The following ADAMTS2 variants were observed in gnomAD, a reference collection of about 807,000 sequenced individuals.
ADAMTS2 encodes ADAM metallopeptidase with thrombospondin type 1 motif 2.
A neutral mutation model predicts 123.0 loss-of-function variants in ADAMTS2; 50 were observed. The observed-to-expected ratio is 0.41, with a 90% CI of 0.32 to 0.51. The LOEUF (loss-of-function observed/expected upper bound fraction) is 0.51. Among genes scored for constraint, ADAMTS2 ranks in the 20% least tolerant of loss-of-function variants. The pLI, the probability that ADAMTS2 is intolerant of heterozygous loss-of-function variation, is 0.35. For synonymous variants in ADAMTS2, 678 were observed against 695.4 expected, an observed-to-expected ratio of 0.98 and a Z score of 0.39; for missense variants, 1,494 against 1,705.2, an observed-to-expected ratio of 0.88 and a Z score of 2.18.
Position 179,199,278 on chromosome 5 carries a change from G to A in ADAMTS2, c.891+8235C>T, listed in dbSNP as rs554195044. ...AATGCAGCATGGTCCCATCTCCCCAGGACAGGCTTTCAGCTGCCCCCAGCA... is the reference window on the plus strand; with the variant it reads ...AATGCAGCATGGTCCCATCTCCCCAAGACAGGCTTTCAGCTGCCCCCAGCA... On this transcript the variant is annotated intron_variant, in intron 4 of 21. Transcript: ENST00000251582. Among the ~76,000 whole-genome samples, 29 of 152,290 alleles carry A rather than the reference G, an allele frequency of 1.9e-4. No homozygotes were observed. In the South Asian group the frequency reaches 6.0e-3, roughly 32 times the overall value.
rs1453977348 is a variant in ADAMTS2 at position 179,262,226 on chromosome 5, C to T, written c.688+10685G>A. On this transcript the variant is annotated intron_variant, in intron 3 of 21. Transcript: ENST00000251582. The surrounding 1 kb of genome is among the most constrained non-coding windows in gnomAD (Gnocchi z 5.9). Reference sequence around the variant, plus strand: ...ACCTGCCCGGCCACCCCCACCAGCACACCTGCCCGGCCAGCCTCAGGCCAC... The same window carrying T: ...ACCTGCCCGGCCACCCCCACCAGCATACCTGCCCGGCCAGCCTCAGGCCAC... Among the ~76,000 whole-genome samples, 1 of 152,088 alleles carries T rather than the reference C, an allele frequency of 6.6e-6. No homozygotes were observed. Among genetic ancestry groups the T allele is most frequent in the African/African-American group, 2.4e-5 (1 of 41,402 alleles).
intron 2 of ADAMTS2, among the ~76,000 whole-genome samples, chr5:179,288,099 CT>C (rs1050679026): frequency 9.9e-5 from 15 of 152,244 alleles, no homozygotes; most frequent in African/African-American, 2.7e-4. Context: ...CCCCCTTTCA[CT>C]TTCCATCACA....
chr5:179,329,337 A>AT (rs1199099595), intron 2 of ADAMTS2, among the ~76,000 whole-genome samples: 1 of 151,340 alleles, frequency 6.6e-6, no homozygotes, highest in Non-Finnish European at 1.5e-5. Context: ...AAAAAAAAAA[A>AT]AAAAAACAAA....
chr5:179,304,133 G>C (rs1561714934), intron 2 of ADAMTS2, among the ~76,000 whole-genome samples: 1 of 152,124 alleles, frequency 6.6e-6, no homozygotes, highest in African/African-American at 2.4e-5. Context: ...TTTGAAAATG[G>C]ACCTGACATT....
intron 4 of ADAMTS2, among the ~76,000 whole-genome samples, chr5:179,195,819 G>A (rs943592391): frequency 2.0e-5 from 3 of 152,208 alleles, no homozygotes; most frequent in Admixed American, 6.5e-5. Flanking sequence ...AACAGAAACA[G>A]TGCCAGCAAC....
At position 179,185,460 on chromosome 5, in the gene ADAMTS2, T is replaced by G. The variant is rs997570347; in HGVS notation, c.892-4305A>C. Among the ~76,000 whole-genome samples, 1 of 152,102 alleles carries G rather than the reference T, an allele frequency of 6.6e-6. No homozygotes were observed. The highest frequency in any genetic ancestry group is 2.4e-5 in the African/African-American group (1 of 41,426). Reference sequence around the variant, plus strand: ...GCGGGGCTGGCCCTCTCCTGGCTCCTGGCCAGGCCCTGCCCCTCAGGACGC... The same window carrying G: ...GCGGGGCTGGCCCTCTCCTGGCTCCGGGCCAGGCCCTGCCCCTCAGGACGC... On this transcript the variant is annotated intron_variant, in intron 4 of 21. Coordinates refer to ENST00000251582, the MANE Select transcript of ADAMTS2 (RefSeq NM_014244.5). The surrounding 1 kb of genome is among the most constrained non-coding windows in gnomAD (Gnocchi z 5.9).
intron 3 of ADAMTS2, among the ~76,000 whole-genome samples, chr5:179,223,747 ATGTGAG>A (rs1765203142): frequency 6.6e-6 from 1 of 152,002 alleles, no homozygotes; most frequent in Non-Finnish European, 1.5e-5. Flanking sequence ...ATGTGAGTGT[ATGTGAG>A]TGCATGTGCG....
chr5:179,306,759 T>G (rs953375757), intron 2 of ADAMTS2, among the ~76,000 whole-genome samples: 3 of 152,132 alleles, frequency 2.0e-5, no homozygotes, highest in Admixed American at 2.0e-4. Context: ...TCATGAAGCT[T>G]TGATCTCCAG....
chr5:179,305,883 A>G (rs1756658546), intron 2 of ADAMTS2, among the ~76,000 whole-genome samples: 1 of 152,238 alleles, frequency 6.6e-6, no homozygotes, highest in Non-Finnish European at 1.5e-5. Context: ...TGTTGAAGAA[A>G]TGCATGATTT....
intron 11 of ADAMTS2, among the ~76,000 whole-genome samples, chr5:179,139,323 G>C (rs999172869): frequency 6.6e-6 from 1 of 152,066 alleles, no homozygotes. Flanking sequence ...AGATATTTAC[G>C]GGGTGTGTGG....
intron 21 of ADAMTS2, among the ~76,000 whole-genome samples, chr5:179,116,261 C>T (rs1762656020): frequency 3.5e-5 from 1 of 28,938 alleles, no homozygotes; most frequent in Non-Finnish European, 5.6e-5. Flanking sequence ...GACCACGGCA[C>T]CCCCCCCCCA....
intron 3 of ADAMTS2, among the ~76,000 whole-genome samples, chr5:179,246,465 T>C (rs1480177990): frequency 6.6e-6 from 1 of 152,102 alleles, no homozygotes; most frequent in Non-Finnish European, 1.5e-5. Context: ...ATCTAAAGGC[T>C]TGGGGAGGAA....
intron 2 of ADAMTS2, among the ~76,000 whole-genome samples, chr5:179,339,596 TG>T (rs1292971158): frequency 1.3e-5 from 2 of 152,346 alleles, no homozygotes; most frequent in Non-Finnish European, 2.9e-5. Context: ...CTGTGTAGGC[TG>T]CTTGCAGCTG....
rs1390260179 is a variant in ADAMTS2, at chr5:179,285,163, G to A, written c.535-12099C>T. Among the ~76,000 whole-genome samples, 1 of 152,190 alleles carries A rather than the reference G, an allele frequency of 6.6e-6. No individual in the cohort carries two copies. Among genetic ancestry groups the A allele is most frequent in the African/African-American group, 2.4e-5 (1 of 41,452 alleles). On this transcript the variant is annotated intron_variant, in intron 2 of 21. Coordinates refer to ENST00000251582, the MANE Select transcript of ADAMTS2 (RefSeq NM_014244.5). The surrounding 1 kb of genome is among the most constrained non-coding windows in gnomAD (Gnocchi z 4.9). ...CAGCTGTTAGGAAACGCGTAACAAA[G>A]GGTCAGCAGTGTTACGATCGGGGGT...
At position 179,188,048 on chromosome 5, in the gene ADAMTS2, G is replaced by C. The variant is rs1019528331; in HGVS notation, c.892-6893C>G. Among the ~76,000 whole-genome samples, 8 of 152,028 alleles carry C rather than the reference G, an allele frequency of 5.3e-5. No homozygotes were observed. The highest frequency in any genetic ancestry group is 1.9e-4 in the East Asian group (1 of 5,150). On this transcript the variant is annotated intron_variant, in intron 4 of 21. Transcript: ENST00000251582. The surrounding 1 kb of genome is among the most constrained non-coding windows in gnomAD (Gnocchi z 5.1). Reference sequence around the variant, plus strand: ...CAAGGTGGGGGAGGGGTGCAGAAAGGGGGGAACCGGTGCAGGCTCCCTACT... The same window carrying C: ...CAAGGTGGGGGAGGGGTGCAGAAAGCGGGGAACCGGTGCAGGCTCCCTACT...
chr5:179,136,247 C>G (rs1000512460), intron 12 of ADAMTS2, among the ~76,000 whole-genome samples: 1 of 152,212 alleles, frequency 6.6e-6, no homozygotes, highest in Admixed American at 6.5e-5. Flanking sequence ...TGGTTGTGGA[C>G]TTTGGAAGAG....
chr5:179,286,259 C>T (rs338880), intron 2 of ADAMTS2, among the ~76,000 whole-genome samples: 58,231 of 149,172 alleles, frequency 0.39, 11,985 homozygotes, highest in African/African-American at 0.49. Flanking sequence ...GACAGGCCCT[C>T]CCCTGGGCTG....
intron 2 of ADAMTS2, among the ~76,000 whole-genome samples, chr5:179,295,968 C>T (rs758824958): frequency 9.2e-5 from 14 of 152,238 alleles, no homozygotes; most frequent in Non-Finnish European, 1.3e-4. Flanking sequence ...GGACGCCCCA[C>T]TGCAGGAGGA....
rs888591835 is a variant in ADAMTS2 at position 179,113,738 on chromosome 5, C to T, written c.*129G>A. Reference sequence around the variant, plus strand: ...GCCTATCTTTCTTACGTCATTCCCCCTCTTTGTTTTCTCAAAACCTTTTGG... The same window carrying T: ...GCCTATCTTTCTTACGTCATTCCCCTTCTTTGTTTTCTCAAAACCTTTTGG... On this transcript the variant is annotated 3_prime_UTR_variant, in exon 22 of 22. Transcript: ENST00000251582. 2 of 945,246 alleles carry T rather than the reference C, an allele frequency of 2.1e-6. No homozygotes were observed. Among genetic ancestry groups the T allele is most frequent in the Non-Finnish European group, 3.3e-6 (2 of 598,492 alleles). The allele number at this position is 945,246 out of a possible 1,614,324, so 58.6% of individuals were successfully genotyped here. A position where few individuals can be genotyped will look rare whatever the true frequency, so the allele number is the denominator to read the frequency against.
Sources: allele counts gnomAD v4.1 joint callset (sites outside exome capture counted in the v4.1 genomes callset), GRCh38; gene constraint gnomAD v4.1.1; non-coding constraint Gnocchi (gnomAD v3.1); transcripts MANE v1.5; gene names NCBI Gene and HGNC (gene_info 2026-07-23, HGNC 2026-07-21).